Variants in GFRAL observed in about 807,000 individuals in gnomAD.
GFRAL encodes the protein GDNF family receptor alpha-like.
Under a neutral mutation model 45.4 loss-of-function variants are expected in GFRAL, and 36 were observed. That is an observed-to-expected ratio of 0.79 (90% confidence interval 0.61 to 1.05). GFRAL has a LOEUF of 1.05. Among genes scored for constraint, GFRAL ranks in the 50% least tolerant of loss-of-function variants. The probability of loss-of-function intolerance (pLI) is 0.00; values close to 1 mark genes in which losing one functional copy is unlikely to be tolerated. For synonymous variants in GFRAL, 166 were observed against 154.1 expected, an observed-to-expected ratio of 1.08 and a Z score of -0.57; for missense variants, 507 against 467.5, an observed-to-expected ratio of 1.08 and a Z score of -0.78.
At chr6:55,347,055 G>A (rs998535574) in intron 3 of GFRAL, among the ~76,000 whole-genome samples, 27 of 152,014 alleles carry the variant, frequency 1.8e-4, no homozygotes, top group African/African-American at 6.5e-4. Context: ...TTATAGGGTT[G>A]GAGTTTTATA....
chr6:55,400,294 A>C (rs1327612428), intron 8 of GFRAL, among the ~76,000 whole-genome samples: 1 of 152,192 alleles, frequency 6.6e-6, no homozygotes, highest in Admixed American at 6.5e-5. Flanking sequence ...TATACATGTA[A>C]GTACATACAC....
At chr6:55,367,884 T>G (rs1449078938) in intron 6 of GFRAL, among the ~76,000 whole-genome samples, 1 of 151,352 alleles carries the variant, frequency 6.6e-6, no homozygotes, top group African/African-American at 2.4e-5. Flanking sequence ...ATTTTTTCCT[T>G]CATTTCAACT....
intron 6 of GFRAL, among the ~76,000 whole-genome samples, chr6:55,389,569 T>G (rs1477070439): frequency 1.3e-5 from 2 of 152,136 alleles, no homozygotes; most frequent in African/African-American, 4.8e-5. Context: ...GTAAATATTA[T>G]TATCCTAAAA....
intron 4 of GFRAL, 101 bp from the exon 5 acceptor site, chr6:55,351,152 T>G: frequency 1.2e-6 from 1 of 803,352 alleles, no homozygotes. Context: ...CATTGGTACA[T>G]CATTGTATTT....
At position 55,346,834 on chromosome 6, in the gene GFRAL, C is replaced by CA. The variant is rs1372121291; in HGVS notation, c.317-3258_317-3257insA. 1.1e-4 allele frequency among the ~76,000 whole-genome samples: 6 copies of CA among 56,560 alleles called. 1 individual carries two copies. The highest frequency in any genetic ancestry group is 4.8e-4 in the Admixed American group (2 of 4,202). 37.1% of individuals were successfully genotyped at this position (56,560 alleles called of 152,430 possible). A position where few individuals can be genotyped will look rare whatever the true frequency, so the allele number is the denominator to read the frequency against. Reference sequence around the variant, plus strand: ...AGTACAAAAAATAAACAAGAAATCCCCCCCCCCCAAAAAAAAGAAAAAACA... The same window carrying CA: ...AGTACAAAAAATAAACAAGAAATCCCACCCCCCCCAAAAAAAAGAAAAAACA... On this transcript the variant is annotated intron_variant, in intron 3 of 8. Coordinates refer to ENST00000340465, the MANE Select transcript of GFRAL (RefSeq NM_207410.2).
chr6:55,375,172 A>G (rs943088580), intron 6 of GFRAL, among the ~76,000 whole-genome samples: 4 of 152,134 alleles, frequency 2.6e-5, no homozygotes, highest in African/African-American at 4.8e-5. Flanking sequence ...TGTCAATGGT[A>G]GTTTAATGGG....
intron 5 of GFRAL, among the ~76,000 whole-genome samples, chr6:55,358,593 C>T (rs552875449): frequency 1.3e-5 from 2 of 152,000 alleles, no homozygotes; most frequent in South Asian, 4.1e-4. Context: ...GCAGTTCATG[C>T]CTCAAATAGT....
intron 6 of GFRAL, among the ~76,000 whole-genome samples, chr6:55,380,815 C>G (rs537720262): frequency 6.6e-6 from 1 of 152,104 alleles, no homozygotes; most frequent in African/African-American, 2.4e-5. Context: ...TCTATGGCAG[C>G]ACTGTTCTTG....
At chr6:55,373,981 T>C (rs915615841) in intron 6 of GFRAL, among the ~76,000 whole-genome samples, 4 of 152,162 alleles carry the variant, frequency 2.6e-5, no homozygotes, top group Admixed American at 6.6e-5. Flanking sequence ...CTCCCACTTA[T>C]AAGTGAGCAC....
intron 2 of GFRAL, among the ~76,000 whole-genome samples, chr6:55,333,340 A>T (rs1767853838): frequency 6.6e-6 from 1 of 152,102 alleles, no homozygotes; most frequent in Non-Finnish European, 1.5e-5. Context: ...ATGTGCCAGG[A>T]CCACATAATT....
intron 3 of GFRAL, among the ~76,000 whole-genome samples, chr6:55,341,565 G>T (rs1005465050): frequency 6.6e-6 from 1 of 152,092 alleles, no homozygotes; most frequent in Non-Finnish European, 1.5e-5. Context: ...AAACCACAAA[G>T]ATGGGGAAAA....
At chr6:55,389,534 C>T (rs1768721363) in intron 6 of GFRAL, among the ~76,000 whole-genome samples, 1 of 151,374 alleles carries the variant, frequency 6.6e-6, no homozygotes. Flanking sequence ...CATGCCTTGC[C>T]TCATTTAATC....
At chr6:55,396,042 C>A (rs1768820709) in intron 6 of GFRAL, among the ~76,000 whole-genome samples, 1 of 152,122 alleles carries the variant, frequency 6.6e-6, no homozygotes, top group Admixed American at 6.5e-5. Flanking sequence ...ACTTTTCTGA[C>A]TTTAATTTCA....
intron 5 of GFRAL, among the ~76,000 whole-genome samples, chr6:55,358,215 GA>G (rs1438328709): frequency 6.6e-6 from 1 of 151,772 alleles, no homozygotes; most frequent in Non-Finnish European, 1.5e-5. Context: ...ACCTATTCAA[GA>G]AGAGTAAAAA....
intron 6 of GFRAL, 52 bp downstream of exon 6, chr6:55,359,190 T>TATCTATCTATCTATCTATCTATC (rs774180465): frequency 2.2e-5 from 25 of 1,121,668 alleles, no homozygotes; most frequent in Admixed American, 4.6e-5. Context: ...ATCTATCATC[T>TATCTATCTATCTATCTATCTATC]ATCTATCTAT....
At chr6:55,363,706 C>T (rs943585488) in intron 6 of GFRAL, among the ~76,000 whole-genome samples, 4 of 149,896 alleles carry the variant, frequency 2.7e-5, no homozygotes, top group East Asian at 2.0e-4. Flanking sequence ...TTTGTTCTTG[C>T]GATAGTTTAC....
At chr6:55,381,008 T>C (rs772715288) in intron 6 of GFRAL, among the ~76,000 whole-genome samples, 4 of 151,978 alleles carry the variant, frequency 2.6e-5, no homozygotes, top group African/African-American at 4.8e-5. Flanking sequence ...TCAAGCTCCT[T>C]GTATTTTCCA....
intron 6 of GFRAL, among the ~76,000 whole-genome samples, chr6:55,366,578 A>G (rs1324251473): frequency 7.1e-6 from 1 of 140,526 alleles, no homozygotes; most frequent in Non-Finnish European, 1.5e-5. Context: ...GTGGGCATTT[A>G]GTCCTATAAA....
chr6:55,384,863 C>CAAAAAAAAAA (rs34292413), intron 6 of GFRAL, among the ~76,000 whole-genome samples: 1 of 140,506 alleles, frequency 7.1e-6, no homozygotes. Flanking sequence ...CAAAAAGCAG[C>CAAAAAAAAAA]AAAAAAAAAA....
Sources: gnomAD v4.1 joint callset for allele counts (sites outside exome capture counted in the v4.1 genomes callset) on GRCh38, gnomAD v4.1.1 for gene constraint, MANE v1.5 for transcripts, NCBI Gene and HGNC (gene_info 2026-07-23, HGNC 2026-07-21) for gene names.